MARCHF1: variants seen among roughly 807,000 people sequenced by gnomAD.
The protein encoded by MARCHF1 is membrane associated ring-CH-type finger 1, also known as E3 ubiquitin-protein ligase MARCHF1.
In MARCHF1, 40 loss-of-function variants were observed where a neutral mutation model predicts 54.2. The ratio of observed to expected loss-of-function variants is 0.74; its 90% confidence interval spans 0.57 to 0.96. The LOEUF (loss-of-function observed/expected upper bound fraction) is 0.96. Ranked by LOEUF, MARCHF1 falls within the 40% of genes least tolerant of loss-of-function variation. The pLI is 0.00. For synonymous variants in MARCHF1, 236 were observed against 236.3 expected, an observed-to-expected ratio of 1.00 and a Z score of 0.01; for missense variants, 586 against 656.5, an observed-to-expected ratio of 0.89 and a Z score of 1.17.
chr4:164,036,790 G>A (rs1754015604), intron 2 of MARCHF1, among the ~76,000 whole-genome samples: 2 of 152,010 alleles, frequency 1.3e-5, no homozygotes, highest in African/African-American at 2.4e-5. Context: ...AAAGGCCGTT[G>A]GTGAGAATAT....
intron 1 of MARCHF1, among the ~76,000 whole-genome samples, chr4:164,374,634 A>G (rs964825128): frequency 6.6e-5 from 10 of 152,166 alleles, no homozygotes; most frequent in African/African-American, 2.2e-4. Flanking sequence ...ACCAAAAAGT[A>G]TCAGACTTTT....
intron 5 of MARCHF1, among the ~76,000 whole-genome samples, chr4:163,684,058 T>C (rs1391274760): frequency 2.0e-5 from 3 of 152,206 alleles, no homozygotes; most frequent in African/African-American, 7.2e-5. Flanking sequence ...CCTTTATGCC[T>C]CTCAAGGTAT....
At chr4:164,340,938 A>G (rs1729909197) in intron 1 of MARCHF1, among the ~76,000 whole-genome samples, 1 of 149,524 alleles carries the variant, frequency 6.7e-6, no homozygotes, top group South Asian at 2.1e-4. Flanking sequence ...AAAAAAAGTT[A>G]CAGGTCAATA....
chr4:164,237,899 T>C (rs1732611559), intron 1 of MARCHF1, among the ~76,000 whole-genome samples: 1 of 151,896 alleles, frequency 6.6e-6, no homozygotes, highest in South Asian at 2.1e-4. Flanking sequence ...CTAAAAAAAA[T>C]TGGGGAAAAT....
intron 5 of MARCHF1, among the ~76,000 whole-genome samples, chr4:163,624,816 A>G (rs1741813757): frequency 6.6e-6 from 1 of 152,210 alleles, no homozygotes; most frequent in South Asian, 2.1e-4. Flanking sequence ...AATGCAGTTA[A>G]TTGTTGAGAA....
At chr4:163,763,680 T>C (rs956876047) in intron 4 of MARCHF1, among the ~76,000 whole-genome samples, 2 of 152,070 alleles carry the variant, frequency 1.3e-5, no homozygotes, top group Non-Finnish European at 2.9e-5. Context: ...CATTTGACTG[T>C]AGTATCTTGT....
chr4:163,932,766 GA>G, intron 3 of MARCHF1: 1 of 572,406 alleles, frequency 1.7e-6, no homozygotes, highest in Non-Finnish European at 3.4e-6. Flanking sequence ...GGACTACCAG[GA>G]GAAAGTGGAG....
At chr4:163,785,059 T>C (rs1747577350) in intron 4 of MARCHF1, among the ~76,000 whole-genome samples, 1 of 152,174 alleles carries the variant, frequency 6.6e-6, no homozygotes, top group South Asian at 2.1e-4. Flanking sequence ...AATGCGTTTA[T>C]AGACACTGTG....
At chr4:163,645,343 A>T (rs866234074) in intron 5 of MARCHF1, among the ~76,000 whole-genome samples, 1 of 152,286 alleles carries the variant, frequency 6.6e-6, no homozygotes, top group South Asian at 2.1e-4. Context: ...AGAGGCAATC[A>T]CATCACACCT....
rs372619973 is a variant in MARCHF1 at position 163,995,749 on chromosome 4, C to T, written c.-247-7040G>A. ...AATTATAAAGCACCCTACCATTTGA[C>T]GACCAGTTTAAGTCCTGGAAAACTG... On this transcript the variant is annotated intron_variant, in intron 2 of 9. Coordinates refer to ENST00000514618, the MANE Select transcript of MARCHF1 (RefSeq NM_001394959.1). Among the ~76,000 whole-genome samples the T allele has an allele frequency of 4.3e-4, 66 of 152,128 alleles. No individual in the cohort carries two copies. In the South Asian group the frequency reaches 0.011, roughly 25 times the overall value.
chr4:163,526,544 G>A lies in MARCHF1; in HGVS notation c.*2204C>T, dbSNP rs1414534629. ...TTAAGGTTAATCCCTTGGATATGGT[G>A]CCATGGTTAAATCACCCACAGATTT... On this transcript the variant is annotated 3_prime_UTR_variant, in exon 10 of 10. Transcript: ENST00000514618. 1 of 151,940 alleles carries A rather than the reference G, an allele frequency of 6.6e-6. No homozygotes were observed. The highest frequency in any genetic ancestry group is 2.4e-5 in the African/African-American group (1 of 41,414). The allele number at this position is 151,940 out of a possible 1,614,324, so 9.4% of individuals were successfully genotyped here.
chr4:163,606,813 A>C (rs1235759393), intron 7 of MARCHF1, among the ~76,000 whole-genome samples: 1 of 152,050 alleles, frequency 6.6e-6, no homozygotes, highest in Non-Finnish European at 1.5e-5. Flanking sequence ...TTTTAAATCC[A>C]GTCTTCCCAT....
chr4:164,199,050 T>C (rs1308993589), intron 1 of MARCHF1, among the ~76,000 whole-genome samples: 30 of 152,212 alleles, frequency 2.0e-4, no homozygotes, highest in Non-Finnish European at 4.4e-5. Context: ...CTTGTGGATT[T>C]TAATAATCCT....
chr4:163,868,782 T>G (rs1750108869), intron 3 of MARCHF1, among the ~76,000 whole-genome samples: 3 of 152,010 alleles, frequency 2.0e-5, no homozygotes, highest in Admixed American at 2.0e-4. Flanking sequence ...AAAAATGTTT[T>G]TTGACACGAT....
chr4:163,927,135 CT>C (rs1751555414), intron 3 of MARCHF1, among the ~76,000 whole-genome samples: 1 of 151,522 alleles, frequency 6.6e-6, no homozygotes, highest in Admixed American at 6.6e-5. Flanking sequence ...TATTTTCTTT[CT>C]TTTTTACAAT....
intron 1 of MARCHF1, among the ~76,000 whole-genome samples, chr4:164,335,581 CAAAAAA>C (rs34889741): frequency 8.2e-6 from 1 of 121,750 alleles, no homozygotes; most frequent in Admixed American, 7.9e-5. Context: ...GACTCCATCT[CAAAAAA>C]AAAAAAAAAA....
At chr4:164,261,601 T>A (rs1733466025) in intron 1 of MARCHF1, among the ~76,000 whole-genome samples, 1 of 152,178 alleles carries the variant, frequency 6.6e-6, no homozygotes, top group African/African-American at 2.4e-5. Flanking sequence ...TTAATCATCC[T>A]GAGGTTACAT....
At chr4:164,379,349 G>A (rs1578915322) in intron 1 of MARCHF1, among the ~76,000 whole-genome samples, 1 of 152,000 alleles carries the variant, frequency 6.6e-6, no homozygotes, top group East Asian at 1.9e-4. Flanking sequence ...GTAGAAAATA[G>A]TAAAACAAGT....
At chr4:163,885,532 C>A (rs561603516) in intron 3 of MARCHF1, among the ~76,000 whole-genome samples, 9 of 152,172 alleles carry the variant, frequency 5.9e-5, no homozygotes, top group Middle Eastern at 6.8e-3. Flanking sequence ...TAACAAAATT[C>A]TCAAAATTAC....
Sources: allele counts gnomAD v4.1 joint callset (sites outside exome capture counted in the v4.1 genomes callset), GRCh38; gene constraint gnomAD v4.1.1; transcripts MANE v1.5; gene names NCBI Gene and HGNC (gene_info 2026-07-23, HGNC 2026-07-21).